TMEM178B: variants seen among roughly 807,000 people sequenced by gnomAD.
The protein encoded by TMEM178B is transmembrane protein 178B.
A neutral mutation model predicts 31.0 loss-of-function variants in TMEM178B; 5 were observed. That is an observed-to-expected ratio of 0.16 (90% CI 0.08 to 0.34). The LOEUF is 0.34. Among genes scored for constraint, TMEM178B ranks in the 10% least tolerant of loss-of-function variants. The pLI is 1.00. For synonymous variants in TMEM178B, 164 were observed against 164.0 expected (o/e 1.00, Z 0.00); for missense variants, 275 against 400.3 (o/e 0.69, Z 2.67).
chr7:141,127,302 G>A (rs1795514326), intron 1 of TMEM178B, among the ~76,000 whole-genome samples: 1 of 152,142 alleles, frequency 6.6e-6, no homozygotes, highest in Non-Finnish European at 1.5e-5. Flanking sequence ...ATTTATAGTG[G>A]GCTGAATGTC....
downstream of TMEM178B, among the ~76,000 whole-genome samples, chr7:141,484,583 A>C (rs1442386349): frequency 6.6e-6 from 1 of 152,130 alleles, no homozygotes; most frequent in African/African-American, 2.4e-5. This position sits in a 1 kb window ranked among gnomAD's most constrained non-coding sequence, Gnocchi z 4.8. Flanking sequence ...TGTTTTTGAG[A>C]TAGAGCCTTG....
At chr7:141,262,915 C>T (rs1033114341) in intron 2 of TMEM178B, among the ~76,000 whole-genome samples, 1 of 152,158 alleles carries the variant, frequency 6.6e-6, no homozygotes, top group Non-Finnish European at 1.5e-5. Flanking sequence ...ATTCAGCCAG[C>T]ATCAGCTCAC....
downstream of TMEM178B, among the ~76,000 whole-genome samples, chr7:141,482,133 G>A (rs1802486357): frequency 6.6e-6 from 1 of 152,176 alleles, no homozygotes; most frequent in Non-Finnish European, 1.5e-5. Flanking sequence ...CAGAGACCTG[G>A]GTTTGTGGGA....
At chr7:141,493,690 G>A in the TMEM178B span, among the ~76,000 whole-genome samples, 1 of 152,132 alleles carries the variant, frequency 6.6e-6, no homozygotes, top group Admixed American at 6.5e-5. Context: ...AAAAGAGATG[G>A]GCAATGGTCT....
At chr7:141,247,438 C>T (rs1199231794) in intron 2 of TMEM178B, among the ~76,000 whole-genome samples, 1 of 152,188 alleles carries the variant, frequency 6.6e-6, no homozygotes, top group Non-Finnish European at 1.5e-5. Flanking sequence ...AGTCCATCCC[C>T]AGACCCATGA....
chr7:141,449,909 G>A (rs1310859129), intron 3 of TMEM178B, among the ~76,000 whole-genome samples: 5 of 152,220 alleles, frequency 3.3e-5, no homozygotes, highest in Non-Finnish European at 2.9e-5. Context: ...AGGTCTCAAA[G>A]CATTACACTG....
chr7:141,370,937 C>T (rs1051606327), intron 2 of TMEM178B, among the ~76,000 whole-genome samples: 1 of 152,184 alleles, frequency 6.6e-6, no homozygotes, highest in Admixed American at 6.5e-5. Context: ...AGAGGATGCA[C>T]GGTTACCAGG....
chr7:141,111,161 C>A (rs1795229107), intron 1 of TMEM178B, among the ~76,000 whole-genome samples: 1 of 152,182 alleles, frequency 6.6e-6, no homozygotes, highest in Non-Finnish European at 1.5e-5. Flanking sequence ...GGAGGCCTCA[C>A]AATCATGGCG....
At chr7:141,368,170 T>C (rs960304845) in intron 2 of TMEM178B, among the ~76,000 whole-genome samples, 3 of 152,062 alleles carry the variant, frequency 2.0e-5, no homozygotes, top group African/African-American at 7.2e-5. Flanking sequence ...AATACAAAAA[T>C]CAGCAGGGCA....
intron 2 of TMEM178B, among the ~76,000 whole-genome samples, chr7:141,355,361 T>C (rs1799801271): frequency 6.6e-6 from 1 of 152,046 alleles, no homozygotes; most frequent in Admixed American, 6.5e-5. Flanking sequence ...GGTGGAGCCT[T>C]AGAGAAGCAT....
At chr7:141,424,376 A>G (rs1801275486) in intron 2 of TMEM178B, among the ~76,000 whole-genome samples, 1 of 152,232 alleles carries the variant, frequency 6.6e-6, no homozygotes, top group Admixed American at 6.5e-5. Context: ...ACATCTCCAC[A>G]GTACATGCGC....
intron 2 of TMEM178B, among the ~76,000 whole-genome samples, chr7:141,427,633 A>G (rs1216287690): frequency 1.3e-5 from 2 of 152,216 alleles, no homozygotes; most frequent in African/African-American, 4.8e-5. Flanking sequence ...GTTTCATGAC[A>G]TTGGTCTGGG....
chr7:141,449,963 G>C (rs1475718865), intron 3 of TMEM178B, among the ~76,000 whole-genome samples: 3 of 152,204 alleles, frequency 2.0e-5, no homozygotes, highest in Non-Finnish European at 2.9e-5. Flanking sequence ...AATGAATTCT[G>C]CTCTTGTGGA....
At chr7:141,150,294 A>G (rs1488560191) in intron 1 of TMEM178B, among the ~76,000 whole-genome samples, 4 of 152,186 alleles carry the variant, frequency 2.6e-5, no homozygotes, top group East Asian at 1.9e-4. Context: ...GTATTTTCCA[A>G]TGTCGGATAT....
chr7:141,382,595 A>G (rs778430288), intron 2 of TMEM178B, among the ~76,000 whole-genome samples: 7 of 152,212 alleles, frequency 4.6e-5, no homozygotes, highest in Non-Finnish European at 8.8e-5. Context: ...TTACTTTATT[A>G]CAAAACTCCA....
rs1802276018 is a variant in TMEM178B at position 141,473,034 on chromosome 7, G to T, written c.*2248G>T. 6.6e-6 allele frequency: 1 copy of T among 152,156 alleles called. No homozygotes were observed. 9.4% of individuals were successfully genotyped at this position (152,156 alleles called of 1,614,324 possible). ...GTGGGTGTGCTGGGCGATAGGGTAA[G>T]GTGTGCAACGGGAAAAGTTGTTAGC... On this transcript the variant is annotated 3_prime_UTR_variant, in exon 4 of 4. Coordinates refer to ENST00000565468, the MANE Select transcript of TMEM178B (RefSeq NM_001195278.2).
chr7:141,462,157 T>C (rs114371040), intron 3 of TMEM178B, among the ~76,000 whole-genome samples: 1,853 of 152,316 alleles, frequency 0.012, 46 homozygotes, highest in African/African-American at 0.041. Flanking sequence ...TTGGACTCTC[T>C]TAGCCCAGGA....
chr7:141,274,873 A>G (rs1798241090), intron 2 of TMEM178B, among the ~76,000 whole-genome samples: 1 of 152,194 alleles, frequency 6.6e-6, no homozygotes, highest in African/African-American at 2.4e-5. Context: ...GTCTAATGGC[A>G]GCGCTGCCTG....
intron 1 of TMEM178B, among the ~76,000 whole-genome samples, chr7:141,161,358 G>T (rs147892775): frequency 5.3e-5 from 8 of 152,260 alleles, no homozygotes; most frequent in South Asian, 2.1e-4. Context: ...CTGCAGAAAG[G>T]CTCGACGGGA....
Sources: gnomAD v4.1 joint callset for allele counts (sites outside exome capture counted in the v4.1 genomes callset) on GRCh38, gnomAD v4.1.1 for gene constraint, Gnocchi (gnomAD v3.1) non-coding constraint, MANE v1.5 for transcripts, NCBI Gene and HGNC (gene_info 2026-07-23, HGNC 2026-07-21) for gene names.